CREB5: variants seen among roughly 807,000 people sequenced by gnomAD.
The protein encoded by CREB5 is cAMP responsive element binding protein 5, also known as cyclic AMP-responsive element-binding protein 5.
CREB5 carries 19 observed loss-of-function variants against 57.1 expected under a neutral mutation model. The ratio of observed to expected loss-of-function variants is 0.33; its 90% CI spans 0.23 to 0.49. The LOEUF (loss-of-function observed/expected upper bound fraction) is 0.49. Among genes scored for constraint, CREB5 ranks in the 20% least tolerant of loss-of-function variants. The pLI is 0.99. For missense variants in CREB5, 579 were observed against 671.6 expected, an observed-to-expected ratio of 0.86 and a Z score of 1.52; for synonymous variants, 238 against 238.3, an observed-to-expected ratio of 1.00 and a Z score of 0.01.
intron 2 of CREB5, 37 bp from the exon 3 acceptor site, chr7:28,494,869 C>T: frequency 7.5e-7 from 1 of 1,333,598 alleles, no homozygotes; most frequent in Non-Finnish European, 1.0e-6. Context: ...TGAATGGCTC[C>T]TCTTCTCCCC....
intron 5 of CREB5, among the ~76,000 whole-genome samples, chr7:28,611,132 C>T (rs113109521): frequency 2.2e-4 from 33 of 152,106 alleles, no homozygotes; most frequent in African/African-American, 7.7e-4. Context: ...TGCAATTTCT[C>T]CTGCATGTTT....
At chr7:28,622,197 C>T (rs1797822672) in intron 5 of CREB5, among the ~76,000 whole-genome samples, 1 of 151,912 alleles carries the variant, frequency 6.6e-6, no homozygotes, top group African/African-American at 2.4e-5. Flanking sequence ...AGGAGGGTGG[C>T]ACATTTCTCT....
Position 28,550,691 on chromosome 7 carries a change from T to A in CREB5, c.292-19674T>A, listed in dbSNP as rs187670799. Among the ~76,000 whole-genome samples the A allele has an allele frequency of 2.0e-5, 3 of 152,326 alleles. No homozygotes were observed. The East Asian group carries it at 5.8e-4, about 29-fold the overall frequency. On this transcript the variant is annotated intron_variant, in intron 4 of 10. Coordinates refer to ENST00000357727, the MANE Select transcript of CREB5 (RefSeq NM_182898.4). ...GATATTGCCTAACTCCTGTGTGATA[T>A]CAATAACCCATGCTAGTGAAGCCAA...
intron 1 of CREB5, among the ~76,000 whole-genome samples, chr7:28,450,571 A>G (rs1789746066): frequency 1.3e-5 from 2 of 152,230 alleles, no homozygotes; most frequent in Non-Finnish European, 1.5e-5. Context: ...ATGTTAAACC[A>G]TAATTTTCCC....
chr7:28,514,584 A>G (rs953542652), intron 4 of CREB5, among the ~76,000 whole-genome samples: 2 of 152,088 alleles, frequency 1.3e-5, no homozygotes, highest in Non-Finnish European at 2.9e-5. Flanking sequence ...TTTAGTAGAG[A>G]CGGGATTTCA....
chr7:28,385,028 G>A (rs1372091133), intron 1 of CREB5, among the ~76,000 whole-genome samples: 1 of 152,006 alleles, frequency 6.6e-6, no homozygotes, highest in Non-Finnish European at 1.5e-5. Flanking sequence ...ATTAACATTA[G>A]TTATCTTTGA....
chr7:28,495,049 G>T, intron 3 of CREB5, 50 bp downstream of exon 3: 1 of 1,294,560 alleles, frequency 7.7e-7, no homozygotes, highest in Non-Finnish European at 1.1e-6. Flanking sequence ...TCTGTTCCAT[G>T]CGAGATACTT....
chr7:28,717,768 G>A (rs1229065131), intron 5 of CREB5, among the ~76,000 whole-genome samples: 1 of 152,176 alleles, frequency 6.6e-6, no homozygotes, highest in East Asian at 1.9e-4. Context: ...AGCCTCAGAG[G>A]TCCTGGGAGG....
At chr7:28,425,404 C>G (rs1788465072) in intron 1 of CREB5, among the ~76,000 whole-genome samples, 1 of 151,352 alleles carries the variant, frequency 6.6e-6, no homozygotes, top group Non-Finnish European at 1.5e-5. Context: ...TCCGTAGAGA[C>G]AGAAGGTAGA....
intron 5 of CREB5, among the ~76,000 whole-genome samples, chr7:28,624,491 TCATAC>T (rs1279078329): frequency 6.6e-6 from 1 of 152,162 alleles, no homozygotes; most frequent in Non-Finnish European, 1.5e-5. Context: ...AAGTTGAATT[TCATAC>T]CATAGGTAGC....
At chr7:28,306,781 T>C (rs1226352293) in intron 1 of CREB5, among the ~76,000 whole-genome samples, 3 of 151,788 alleles carry the variant, frequency 2.0e-5, no homozygotes, top group African/African-American at 7.3e-5. Flanking sequence ...CGGGATGGTC[T>C]CGATCTCCTG....
chr7:28,425,656 A>G (rs1182699592), intron 1 of CREB5, among the ~76,000 whole-genome samples: 1 of 152,224 alleles, frequency 6.6e-6, no homozygotes, highest in Admixed American at 6.5e-5. Context: ...ATGGGCTGCT[A>G]AATTCAGTTA....
intron 4 of CREB5, among the ~76,000 whole-genome samples, chr7:28,534,544 C>T (rs1793874355): frequency 1.3e-5 from 2 of 152,244 alleles, no homozygotes; most frequent in African/African-American, 4.8e-5. Flanking sequence ...TTCCAGCCAG[C>T]ATCCCAGTGT....
At chr7:28,314,369 G>A (rs979986669) in intron 1 of CREB5, among the ~76,000 whole-genome samples, 1 of 152,296 alleles carries the variant, frequency 6.6e-6, no homozygotes, top group East Asian at 1.9e-4. Flanking sequence ...TGGAGATGGT[G>A]CTGTCTTTAT....
At chr7:28,327,183 G>C (rs946806229) in intron 1 of CREB5, among the ~76,000 whole-genome samples, 1 of 148,722 alleles carries the variant, frequency 6.7e-6, no homozygotes, top group African/African-American at 2.5e-5. Flanking sequence ...ACCGTATTTA[G>C]TAGATTTTAT....
chr7:28,476,678 C>T (rs1410726421), intron 1 of CREB5, among the ~76,000 whole-genome samples: 1 of 152,126 alleles, frequency 6.6e-6, no homozygotes, highest in Non-Finnish European at 1.5e-5. Context: ...TACTTTTCAG[C>T]ATTAAAAGCA....
At chr7:28,754,272 G>A (rs1208437162) in intron 7 of CREB5, among the ~76,000 whole-genome samples, 1 of 152,146 alleles carries the variant, frequency 6.6e-6, no homozygotes, top group African/African-American at 2.4e-5. Flanking sequence ...AAAGGCCCTC[G>A]GTTTGTTTGT....
rs189453012 is a variant in CREB5, at chr7:28,824,967, C to G, written c.*5688C>G. 248 of 152,720 alleles carry G rather than the reference C, an allele frequency of 1.6e-3. 1 individual carries two copies. Among genetic ancestry groups the G allele is most frequent in the African/African-American group, 5.3e-3 (220 of 41,564 alleles). 9.5% of individuals were successfully genotyped at this position (152,720 alleles called of 1,614,324 possible). A position where few individuals can be genotyped will look rare whatever the true frequency, so the allele number is the denominator to read the frequency against. On this transcript the variant is annotated 3_prime_UTR_variant, in exon 11 of 11. Transcript: ENST00000357727. ...GAAGCCAGGATCTAGAAAGCTCCTT[C>G]TAAGCCATTTAAGATATTCTTACAT... is the stretch of plus-strand genomic sequence containing the variant.
intron 2 of CREB5, chr7:28,491,309 G>A (rs1302811512): frequency 4.2e-6 from 4 of 960,068 alleles, no homozygotes; most frequent in Non-Finnish European, 5.0e-6. Context: ...GATAAAGGGT[G>A]TAGACAAACC....
Sources: gnomAD v4.1 joint callset for allele counts (sites outside exome capture counted in the v4.1 genomes callset) on GRCh38, gnomAD v4.1.1 for gene constraint, MANE v1.5 for transcripts, NCBI Gene and HGNC (gene_info 2026-07-23, HGNC 2026-07-21) for gene names.